CAPN8: variants seen among roughly 807,000 people sequenced by gnomAD.
The protein encoded by CAPN8 is calpain-8.
CAPN8 carries 87 observed loss-of-function variants against 80.9 expected under a neutral mutation model. That is an observed-to-expected ratio of 1.07 (90% CI 0.90 to 1.28). The LOEUF is 1.28. CAPN8 is among the 50% of genes most tolerant of loss of function. The pLI is 0.00. For missense variants in CAPN8, 757 were observed against 702.0 expected, an observed-to-expected ratio of 1.08 and a Z score of -0.89; for synonymous variants, 299 against 273.8, an observed-to-expected ratio of 1.09 and a Z score of -0.91.
chr1:223,643,116 G>GA (rs1488760399), intron 2 of CAPN8, among the ~76,000 whole-genome samples: 13 of 152,346 alleles, frequency 8.5e-5, no homozygotes, highest in African/African-American at 2.6e-4. Context: ...AAAAATGCTA[G>GA]AAGCCAGGTG....
At chr1:223,662,155 C>G (rs1658662286) in intron 1 of CAPN8, among the ~76,000 whole-genome samples, 5 of 152,006 alleles carry the variant, frequency 3.3e-5, no homozygotes, top group Admixed American at 3.3e-4. Context: ...TTGTCAGAAA[C>G]TGGGGAGAAG....
At chr1:223,650,841 G>T (rs1658326681) in intron 2 of CAPN8, among the ~76,000 whole-genome samples, 1 of 152,182 alleles carries the variant, frequency 6.6e-6, no homozygotes, top group African/African-American at 2.4e-5. Flanking sequence ...GCCAGAAATG[G>T]ATGCTATATT....
chr1:223,654,793 A>G (rs1426590758), intron 1 of CAPN8, among the ~76,000 whole-genome samples: 6 of 151,370 alleles, frequency 4.0e-5, no homozygotes, highest in African/African-American at 1.5e-4. Flanking sequence ...CTCCTGCCTC[A>G]GCCTACCACA....
At position 223,553,880 on chromosome 1, in the gene CAPN8, A is replaced by G. The variant is rs2102692993; in HGVS notation, c.1593T>C (p.Asp531=). The G allele has an allele frequency of 2.5e-6, 1 of 398,666 alleles. No homozygotes were observed. Among genetic ancestry groups the G allele is most frequent in the East Asian group, 3.6e-5 (1 of 28,074 alleles). The allele number at this position is 398,666 out of a possible 1,614,324, so 24.7% of individuals were successfully genotyped here. ...NPYEPHPSEV[D]QEDDQFRRLF... is the part of the protein sequence containing the mutation. ...GCCTCCTGAACTGGTCATCTTCCTG[A>G]TCCACCTCACTGGGATGTGGCTAAA... is the stretch of plus-strand genomic sequence containing the variant. Residue 531 remains aspartate, a synonymous_variant, in exon 14 of 21, where the codon GAT becomes GAC. Coordinates refer to ENST00000366872, the MANE Select transcript of CAPN8 (RefSeq NM_001143962.2).
intron 2 of CAPN8, chr1:223,642,815 A>T (rs754754269): frequency 1.8e-5 from 8 of 456,296 alleles, no homozygotes; most frequent in Middle Eastern, 3.3e-4. Context: ...CACCAGGCCA[A>T]TTCTCATCCA....
chr1:223,648,523 G>A (rs79082805), intron 2 of CAPN8, among the ~76,000 whole-genome samples: 1 of 152,206 alleles, frequency 6.6e-6, no homozygotes, highest in African/African-American at 2.4e-5. Context: ...ACTACTCCCA[G>A]TTACTGACTA....
At chr1:223,545,347 T>C in intron 16 of CAPN8, 48 bp from the exon 17 acceptor site, 1 of 1,551,102 alleles carries the variant, frequency 6.4e-7, no homozygotes, top group East Asian at 2.4e-5. Flanking sequence ...TCTACATGCC[T>C]TATAGATTTC....
intron 2 of CAPN8, among the ~76,000 whole-genome samples, chr1:223,645,934 G>A (rs1372442229): frequency 1.3e-5 from 2 of 152,166 alleles, no homozygotes; most frequent in Non-Finnish European, 2.9e-5. Context: ...CAGGTTTGGG[G>A]CAAGGTATGG....
chr1:223,614,608 C>A (rs1386405072), intron 10 of CAPN8, among the ~76,000 whole-genome samples: 3 of 152,154 alleles, frequency 2.0e-5, no homozygotes, highest in Admixed American at 2.0e-4. Context: ...GAGGTGAACC[C>A]AGCCCATTGT....
At chr1:223,664,668 T>C (rs1658737779) in intron 1 of CAPN8, among the ~76,000 whole-genome samples, 1 of 152,208 alleles carries the variant, frequency 6.6e-6, no homozygotes, top group South Asian at 2.1e-4. Flanking sequence ...CTGGGTGTAG[T>C]GGCTCACATC....
chr1:223,549,179 C>A, intron 16 of CAPN8, 139 bp downstream of exon 16: 1 of 1,117,104 alleles, frequency 9.0e-7, no homozygotes, highest in Non-Finnish European at 1.2e-6. Flanking sequence ...CAAGTACAAT[C>A]CTTGACATAT....
At chr1:223,555,145 A>C (rs1013601628) in intron 13 of CAPN8, among the ~76,000 whole-genome samples, 1 of 152,224 alleles carries the variant, frequency 6.6e-6, no homozygotes, top group Non-Finnish European at 1.5e-5. Flanking sequence ...CTTTGCGTGG[A>C]TTATTTCATT....
intron 1 of CAPN8, among the ~76,000 whole-genome samples, chr1:223,656,502 G>A (rs1184663035): frequency 6.6e-6 from 1 of 151,624 alleles, no homozygotes; most frequent in South Asian, 2.1e-4. Flanking sequence ...GTTTTTCATT[G>A]AAAAACTAAT....
intron 18 of CAPN8, among the ~76,000 whole-genome samples, 184 bp downstream of exon 18, chr1:223,544,588 T>C (rs1359276078): frequency 6.6e-6 from 1 of 152,208 alleles, no homozygotes; most frequent in East Asian, 1.9e-4. Flanking sequence ...TTATGCTATA[T>C]GGAATCGAGC....
At chr1:223,615,938 T>C (rs1322477152) in intron 10 of CAPN8, 32 bp downstream of exon 10, 20 of 1,551,426 alleles carry the variant, frequency 1.3e-5, no homozygotes, top group East Asian at 2.4e-5. Context: ...ACATCAAGTG[T>C]ATAATGAAGG....
At chr1:223,555,192 A>C (rs966825298) in intron 13 of CAPN8, among the ~76,000 whole-genome samples, 58 of 152,294 alleles carry the variant, frequency 3.8e-4, no homozygotes, top group Non-Finnish European at 6.5e-4. Flanking sequence ...TCCTCTCATT[A>C]CTGTCCTCAC....
chr1:223,549,317 C>A lies in CAPN8; in HGVS notation c.1764+1G>T. 1 of 1,551,204 alleles carries A rather than the reference C, an allele frequency of 6.4e-7. No individual in the cohort carries two copies. The highest frequency in any genetic ancestry group is 8.7e-7 in the Non-Finnish European group (1 of 1,146,852). ...AAAATAATGCAACATTTAAAGGATA[C>A]ATCCAACAGACTGATCATTTCCCTG... On this transcript the variant is annotated splice_donor_variant, in intron 16 of 20. Coordinates refer to ENST00000366872, the MANE Select transcript of CAPN8 (RefSeq NM_001143962.2). LOFTEE classifies it high-confidence loss of function.
intron 4 of CAPN8, 77 bp from the exon 5 acceptor site, chr1:223,627,234 C>A: frequency 7.0e-7 from 1 of 1,438,564 alleles, no homozygotes. Flanking sequence ...CGGGACAGTG[C>A]TAGGACATAC....
chr1:223,628,973 T>G, intron 2 of CAPN8, 193 bp from the exon 3 acceptor site: 1 of 574,904 alleles, frequency 1.7e-6, no homozygotes, highest in South Asian at 2.1e-5. Flanking sequence ...ATTTGTTTAC[T>G]CGGGAGTGGA....
Sources: gnomAD v4.1 joint callset for allele counts (sites outside exome capture counted in the v4.1 genomes callset) on GRCh38, gnomAD v4.1.1 for gene constraint, MANE v1.5 for transcripts, NCBI Gene and HGNC (gene_info 2026-07-23, HGNC 2026-07-21) for gene names.